SGCZ: variants seen among roughly 807,000 people sequenced by gnomAD.
The protein encoded by SGCZ is zeta-sarcoglycan.
SGCZ carries 40 observed loss-of-function variants against 41.3 expected under a neutral mutation model. That is an observed-to-expected ratio of 0.97 (90% CI 0.75 to 1.26). The LOEUF (loss-of-function observed/expected upper bound fraction) is 1.26, where lower values mean the gene tolerates loss of function less well. SGCZ is among the 50% of genes most tolerant of loss of function. SGCZ has a pLI of 0.00. For missense variants in SGCZ, 552 were observed against 369.8 expected (o/e 1.49, Z -4.04); for synonymous variants, 206 against 137.5 (o/e 1.50, Z -3.49).
intron 4 of SGCZ, among the ~76,000 whole-genome samples, chr8:14,197,096 T>G (rs566487499): frequency 6.6e-6 from 1 of 152,304 alleles, no homozygotes; most frequent in East Asian, 1.9e-4. Context: ...TGAACATGTT[T>G]AATATCATGT....
intron 2 of SGCZ, among the ~76,000 whole-genome samples, chr8:14,541,151 T>A (rs1803454660): frequency 6.6e-6 from 1 of 151,998 alleles, no homozygotes; most frequent in Admixed American, 6.6e-5. Flanking sequence ...TCTAATTTTA[T>A]TTTTTAAGTT....
In SGCZ at chr8:14,197,162, T is replaced by A. The variant is rs1805291955; in HGVS notation, c.425-32460A>T. Among the ~76,000 whole-genome samples, 3 of 152,142 alleles carry A rather than the reference T, an allele frequency of 2.0e-5. No individual in the cohort carries two copies. The South Asian group carries it at 6.2e-4, about 31-fold the overall frequency. On this transcript the variant is annotated intron_variant, in intron 4 of 7. Coordinates refer to ENST00000382080, the MANE Select transcript of SGCZ (RefSeq NM_139167.4). The stretch of plus-strand genomic sequence containing the variant: ...TAAAGTTTCCTAAGGAAAGTGAAGG[T>A]CCGGATGGCTTTCTTTGGCATAATA...
rs1802191925 is a variant in SGCZ at position 15,237,863 on chromosome 8, C to CT, written c.-241_-240insA. The CT allele has an allele frequency of 5.2e-5, 26 of 498,926 alleles. No homozygotes were observed. The South Asian group carries it at 7.7e-4, about 15-fold the overall frequency. 30.9% of individuals were successfully genotyped at this position (498,926 alleles called of 1,614,324 possible). A position where few individuals can be genotyped will look rare whatever the true frequency, so the allele number is the denominator to read the frequency against. ...AGATTTAGTGACAGGTGATCTCTAC[C>CT]GCGGTGCAACACAGCTGAGTCGATT... On this transcript the variant is annotated 5_prime_UTR_variant, in exon 1 of 8. Coordinates refer to ENST00000382080, the MANE Select transcript of SGCZ (RefSeq NM_139167.4).
At chr8:14,238,347 T>G (rs1001813375) in intron 3 of SGCZ, among the ~76,000 whole-genome samples, 1 of 152,200 alleles carries the variant, frequency 6.6e-6, no homozygotes, top group Middle Eastern at 3.2e-3. Context: ...AAGTGTTGAC[T>G]GAGTAGATAA....
In SGCZ at chr8:14,297,564, G is replaced by A. The variant is rs10089596; in HGVS notation, c.336+26539C>T. Among the ~76,000 whole-genome samples the A allele has an allele frequency of 7.0e-3, 1,066 of 151,502 alleles. 16 individuals carry two copies. Among genetic ancestry groups the A allele is most frequent in the African/African-American group, 0.025 (1,019 of 41,348 alleles). The stretch of plus-strand genomic sequence containing the variant: ...AAAATTACCGCTTTCTAGAATAAAA[G>A]CAAAGACAATAATATAGAGCACATT... On this transcript the variant is annotated intron_variant, in intron 3 of 7. Transcript: ENST00000382080.
At chr8:14,580,927 T>A (rs1201576112) in intron 1 of SGCZ, among the ~76,000 whole-genome samples, 1 of 152,132 alleles carries the variant, frequency 6.6e-6, no homozygotes, top group Non-Finnish European at 1.5e-5. Context: ...CAACCCTTTC[T>A]CTCTTTCAAA....
At chr8:14,475,892 G>C (rs943825303) in intron 2 of SGCZ, among the ~76,000 whole-genome samples, 1 of 151,978 alleles carries the variant, frequency 6.6e-6, no homozygotes, top group African/African-American at 2.4e-5. Flanking sequence ...CTGGAATGCA[G>C]TGGTGTCATC....
chr8:14,150,250 A>C (rs1803658522), intron 5 of SGCZ, among the ~76,000 whole-genome samples: 1 of 152,178 alleles, frequency 6.6e-6, no homozygotes, highest in Admixed American at 6.5e-5. Flanking sequence ...GAAAACCCAC[A>C]AACTGGGAGA....
intron 1 of SGCZ, among the ~76,000 whole-genome samples, chr8:15,172,665 T>G (rs1799880816): frequency 1.3e-5 from 2 of 152,198 alleles, no homozygotes; most frequent in South Asian, 4.1e-4. Context: ...AGTGACTTCC[T>G]AACCAATACA....
intron 1 of SGCZ, among the ~76,000 whole-genome samples, chr8:14,787,182 C>G (rs890624225): frequency 6.6e-6 from 1 of 151,982 alleles, no homozygotes; most frequent in Non-Finnish European, 1.5e-5. Context: ...ACTTAAAATC[C>G]CCATCTGCAG....
At chr8:14,126,517 G>A (rs575388112) in intron 5 of SGCZ, among the ~76,000 whole-genome samples, 8 of 152,232 alleles carry the variant, frequency 5.3e-5, no homozygotes, top group African/African-American at 1.4e-4. Context: ...TGGAGAAATA[G>A]GAATACTTTT....
At chr8:15,029,056 G>A (rs1467534041) in intron 1 of SGCZ, among the ~76,000 whole-genome samples, 1 of 152,070 alleles carries the variant, frequency 6.6e-6, no homozygotes, top group East Asian at 1.9e-4. Context: ...AATTGAAGAT[G>A]ATTGGGAGAC....
intron 2 of SGCZ, among the ~76,000 whole-genome samples, chr8:14,537,064 A>G (rs1803318432): frequency 6.6e-6 from 1 of 151,984 alleles, no homozygotes; most frequent in Non-Finnish European, 1.5e-5. Flanking sequence ...TGCTGCTGAC[A>G]CAGCCCCATC....
At chr8:14,845,141 T>A (rs953551504) in intron 1 of SGCZ, among the ~76,000 whole-genome samples, 1 of 152,118 alleles carries the variant, frequency 6.6e-6, no homozygotes, top group African/African-American at 2.4e-5. Context: ...CCTAAATGAA[T>A]GAGATGATGG....
chr8:14,308,868 TTAA>T (rs2116991816), intron 3 of SGCZ, among the ~76,000 whole-genome samples: 1 of 152,260 alleles, frequency 6.6e-6, no homozygotes, highest in Admixed American at 6.5e-5. Flanking sequence ...CTTTCTTCAG[TTAA>T]TAAAATGTCT....
At chr8:14,432,517 G>C (rs146109664) in intron 2 of SGCZ, among the ~76,000 whole-genome samples, 4 of 152,076 alleles carry the variant, frequency 2.6e-5, no homozygotes, top group African/African-American at 7.2e-5. Context: ...ATGGACTTTG[G>C]GGACTCAGGG....
At chr8:14,618,503 T>G (rs1204779787) in intron 1 of SGCZ, among the ~76,000 whole-genome samples, 1 of 152,106 alleles carries the variant, frequency 6.6e-6, no homozygotes, top group African/African-American at 2.4e-5. Context: ...AGATTGATTG[T>G]GATGAAAACA....
intron 1 of SGCZ, among the ~76,000 whole-genome samples, chr8:15,059,546 C>A (rs979692763): frequency 1.1e-4 from 16 of 152,038 alleles, no homozygotes; most frequent in African/African-American, 3.6e-4. Context: ...AAATAATCAC[C>A]AACTAGTTTA....
chr8:14,595,394 T>G (rs1256768162), intron 1 of SGCZ, among the ~76,000 whole-genome samples: 1 of 94,246 alleles, frequency 1.1e-5, no homozygotes, highest in African/African-American at 3.5e-5. Context: ...ATGCCTAACA[T>G]GCACAAACAC....
Sources: allele counts gnomAD v4.1 joint callset (sites outside exome capture counted in the v4.1 genomes callset), GRCh38; gene constraint gnomAD v4.1.1; transcripts MANE v1.5; gene names NCBI Gene and HGNC (gene_info 2026-07-23, HGNC 2026-07-21).